The following VPS13A variants were observed in gnomAD, a reference collection of about 807,000 sequenced individuals.
VPS13A encodes vacuolar protein sorting 13 homolog A.
A neutral mutation model predicts 390.9 loss-of-function variants in VPS13A; 264 were observed. The ratio of observed to expected loss-of-function variants is 0.68; its 90% CI spans 0.61 to 0.75. The LOEUF (loss-of-function observed/expected upper bound fraction) is 0.75. Ranked by LOEUF, VPS13A falls within the 30% of genes least tolerant of loss-of-function variation. VPS13A has a pLI of 0.00. For missense variants in VPS13A, 3,409 were observed against 3,733.9 expected (o/e 0.91, Z 2.27); for synonymous variants, 1,231 against 1,227.1 (o/e 1.00, Z -0.07).
At chr9:77,296,053 TC>T (rs1248762785) in intron 33 of VPS13A, among the ~76,000 whole-genome samples, 1 of 152,250 alleles carries the variant, frequency 6.6e-6, no homozygotes, top group Admixed American at 6.5e-5. Context: ...TGAAAATTTC[TC>T]CTTAGGTAAT....
intron 67 of VPS13A, among the ~76,000 whole-genome samples, chr9:77,379,989 T>C (rs955192092): frequency 2.6e-5 from 4 of 152,172 alleles, no homozygotes; most frequent in African/African-American, 9.6e-5. Flanking sequence ...TTTTTGTCTT[T>C]TAAATTCTTA....
chr9:77,248,347 C>T (rs12686008), intron 20 of VPS13A, among the ~76,000 whole-genome samples: 1 of 151,710 alleles, frequency 6.6e-6, no homozygotes, highest in Non-Finnish European at 1.5e-5. Context: ...TCCCGAGTAG[C>T]TGGGACTCCA....
At position 77,321,245 on chromosome 9, in the gene VPS13A, C is replaced by G. The variant is rs1829726602; in HGVS notation, c.5492C>G (p.Thr1831Ser). 1.2e-6 allele frequency: 2 copies of G among 1,612,118 alleles called. No homozygotes were observed. Among genetic ancestry groups the G allele is most frequent in the Non-Finnish European group, 1.7e-6 (2 of 1,178,842 alleles). ...AACTACAAAGTGCCAGAATATAAAA[C>G]TGTCATCAGTTTCCATTCAAAAGAC... ...EENYKVPEYKTVISFHSKDQL... is the reference protein window; with the variant it reads ...EENYKVPEYKSVISFHSKDQL... Residue 1831 changes from threonine to serine, a missense_variant, in exon 43 of 72, where the codon ACT becomes AGT. By Grantham distance (58) the Thr-to-Ser change is moderately conservative. This residue lies in a region of VPS13A where 2,717 missense variants were observed against 2,917.4 expected (regional missense o/e 0.93). Transcript: ENST00000360280.
At chr9:77,246,225 A>G (rs1423518980) in intron 19 of VPS13A, among the ~76,000 whole-genome samples, 1 of 152,168 alleles carries the variant, frequency 6.6e-6, no homozygotes, top group East Asian at 1.9e-4. Flanking sequence ...AACAGAAGGT[A>G]TTTTAATTAC....
At chr9:77,261,301 A>G (rs1825747180) in intron 23 of VPS13A, among the ~76,000 whole-genome samples, 2 of 152,250 alleles carry the variant, frequency 1.3e-5, no homozygotes, top group Middle Eastern at 3.4e-3. Context: ...ATAAATTTTT[A>G]TGTTAGCACA....
chr9:77,295,850 A>G lies in VPS13A; in HGVS notation c.3812+4A>G. 6.2e-7 allele frequency: 1 copy of G among 1,613,124 alleles called. No individual in the cohort carries two copies. Among genetic ancestry groups the G allele is most frequent in the Admixed American group, 1.7e-5 (1 of 59,976 alleles). ...TGAGTGAAATGCGACTATACAGGTA[A>G]GCTTTTCACAAGTATATTTGTGTGG... is the stretch of plus-strand genomic sequence containing the variant. On this transcript the variant is annotated splice_donor_region_variant and intron_variant, in intron 33 of 71. Coordinates refer to ENST00000360280, the MANE Select transcript of VPS13A (RefSeq NM_033305.3).
intron 52 of VPS13A, among the ~76,000 whole-genome samples, chr9:77,348,970 AT>A (rs199539097): frequency 4.2e-4 from 63 of 150,406 alleles, no homozygotes; most frequent in Middle Eastern, 3.4e-3. Flanking sequence ...TTTACATTTG[AT>A]TTTTTTTTTC....
chr9:77,216,134 C>T (rs1219219293), intron 10 of VPS13A, among the ~76,000 whole-genome samples: 1 of 152,034 alleles, frequency 6.6e-6, no homozygotes, highest in African/African-American at 2.4e-5. Context: ...CCAGTGTCCT[C>T]TACTGATAAA....
chr9:77,389,478 T>A (rs745584262), intron 68 of VPS13A, among the ~76,000 whole-genome samples: 6 of 152,028 alleles, frequency 3.9e-5, no homozygotes, highest in African/African-American at 7.2e-5. Flanking sequence ...GCTAATTTTT[T>A]AAATTTTTTC....
chr9:77,411,958 A>G (rs1224908097), intron 71 of VPS13A, among the ~76,000 whole-genome samples: 2 of 152,200 alleles, frequency 1.3e-5, no homozygotes, highest in East Asian at 3.9e-4. Flanking sequence ...AGAGAATGCT[A>G]TAAACACCTC....
rs1404434013 is a variant in VPS13A at position 77,315,128 on chromosome 9, G to A, written c.4413-125G>A. 3.6e-6 allele frequency: 3 copies of A among 826,242 alleles called. No individual in the cohort carries two copies. The African/African-American group carries it at 5.1e-5, about 14-fold the overall frequency. 51.2% of individuals were successfully genotyped at this position (826,242 alleles called of 1,614,324 possible). ...TGGAACACTTTATGGATCTTCCCAA[G>A]AGACATGACTTCAGAATGCTTTTTT... On this transcript the variant is annotated intron_variant, in intron 37 of 71. Coordinates refer to ENST00000360280, the MANE Select transcript of VPS13A (RefSeq NM_033305.3).
chr9:77,341,691 CTTTTTTTTTT>C (rs57841628), intron 50 of VPS13A, among the ~76,000 whole-genome samples: 19 of 37,838 alleles, frequency 5.0e-4, no homozygotes, highest in South Asian at 1.3e-3. Context: ...GACATCTTTC[CTTTTTTTTTT>C]TTTTTTTTTT....
intron 6 of VPS13A, 84 bp downstream of exon 6, chr9:77,209,616 C>A: frequency 1.2e-6 from 1 of 833,070 alleles, no homozygotes; most frequent in Non-Finnish European, 2.0e-6. Flanking sequence ...TTTTAATGGC[C>A]AATCTGTTAA....
intron 68 of VPS13A, among the ~76,000 whole-genome samples, chr9:77,401,329 T>TTGTGTGTGTGTGTGTGTGTG (rs4012461): frequency 1.4e-5 from 2 of 140,432 alleles, no homozygotes; most frequent in Non-Finnish European, 3.1e-5. Flanking sequence ...TCACATGAAG[T>TTGTGTGTGTGTGTGTGTGTG]TGTGTGTGTG....
chr9:77,321,125 G>T (rs1190679702), intron 42 of VPS13A, 44 bp from the exon 43 acceptor site: 2 of 1,549,454 alleles, frequency 1.3e-6, no homozygotes, highest in Non-Finnish European at 1.8e-6. Flanking sequence ...GTTATGTTGT[G>T]TTCTTAGAAT....
intron 23 of VPS13A, 129 bp downstream of exon 23, chr9:77,260,353 T>TA: frequency 3.2e-6 from 1 of 310,844 alleles, no homozygotes. Context: ...GAAAATTACT[T>TA]TTTTTTTTTT....
chr9:77,411,660 CAAAAAAAAAAAAAAA>C (rs1169254413), intron 71 of VPS13A, among the ~76,000 whole-genome samples: 3 of 33,934 alleles, frequency 8.8e-5, no homozygotes, highest in Non-Finnish European at 1.5e-4. Context: ...AACTCCATCT[CAAAAAAAAAAAAAAA>C]AAAAAAAAAA....
chr9:77,318,428 C>T lies in VPS13A; in HGVS notation c.5150C>T (p.Pro1717Leu). 6.2e-7 allele frequency: 1 copy of T among 1,613,620 alleles called. No homozygotes were observed. The highest frequency in any genetic ancestry group is 1.3e-5 in the African/African-American group (1 of 74,960). Residue 1717 changes from proline to leucine, a missense_variant, in exon 41 of 72, where the codon CCC (proline) becomes CTC (leucine). Pro to Leu is a moderately conservative substitution (Grantham distance 98). This residue lies in a region of VPS13A where 2,717 missense variants were observed against 2,917.4 expected (regional missense o/e 0.93). Transcript: ENST00000360280. ...ATAGCTCCCACAACTGAATTGGTAC[C>T]CAAAGGCGAGATGATAAAAATGAAC... ...EKIAPTTELV[P>L]KGEMIKMNID...
At chr9:77,268,543 G>C (rs1015190562) in intron 23 of VPS13A, among the ~76,000 whole-genome samples, 4 of 152,098 alleles carry the variant, frequency 2.6e-5, no homozygotes, top group Non-Finnish European at 5.9e-5. Context: ...GAAATCACTG[G>C]CCTTCTGCAT....
Sources: allele counts gnomAD v4.1 joint callset (sites outside exome capture counted in the v4.1 genomes callset), GRCh38; gene constraint gnomAD v4.1.1; regional missense constraint gnomAD v4.1.1; transcripts MANE v1.5; gene names NCBI Gene and HGNC (gene_info 2026-07-23, HGNC 2026-07-21).